GPHN: variants seen among roughly 807,000 people sequenced by gnomAD.
GPHN encodes gephyrin.
GPHN carries 17 observed loss-of-function variants against 95.5 expected under a neutral mutation model. That is an observed-to-expected ratio of 0.18 (90% CI 0.12 to 0.27). GPHN has a LOEUF of 0.27. GPHN is among the 10% of genes least tolerant of loss of function. The pLI is 1.00. For synonymous variants in GPHN, 320 were observed against 322.5 expected, an observed-to-expected ratio of 0.99 and a Z score of 0.08; for missense variants, 660 against 978.1, an observed-to-expected ratio of 0.67 and a Z score of 4.34.
At chr14:66,814,402 C>A (rs1220579975) in intron 3 of GPHN, among the ~76,000 whole-genome samples, 1 of 152,184 alleles carries the variant, frequency 6.6e-6, no homozygotes, top group African/African-American at 2.4e-5. Flanking sequence ...GAGGCAGGCA[C>A]CCCTGCATCT....
chr14:67,069,194 T>A (rs573501217), intron 11 of GPHN, among the ~76,000 whole-genome samples: 1 of 152,324 alleles, frequency 6.6e-6, no homozygotes, highest in Non-Finnish European at 1.5e-5. Context: ...TAGGATACTA[T>A]TAAAGGAGAT....
intron 14 of GPHN, among the ~76,000 whole-genome samples, chr14:67,110,479 A>T (rs2078303765): frequency 6.6e-6 from 1 of 152,178 alleles, no homozygotes; most frequent in Non-Finnish European, 1.5e-5. Flanking sequence ...GGTTTCTATG[A>T]TCATTGCTGT....
At chr14:67,659,661 C>G in the GPHN span, 95 of 1,458,116 alleles carry the variant, frequency 6.5e-5, no homozygotes, top group Non-Finnish European at 8.0e-5. Flanking sequence ...AATACCCCAA[C>G]AATATAGTTA....
At chr14:67,335,140 C>T in the GPHN span, 2 of 152,312 alleles carry the variant, frequency 1.3e-5, no homozygotes, top group African/African-American at 4.8e-5. Context: ...ATTTCAAGGT[C>T]AGTGAAGTCT....
the GPHN span, chr14:67,395,351 C>A: frequency 6.4e-7 from 1 of 1,557,562 alleles, no homozygotes. Flanking sequence ...CCCTGCCCAC[C>A]CAACACAGGC....
chr14:67,266,855 A>AGGC, the GPHN span, among the ~76,000 whole-genome samples: 3 of 152,004 alleles, frequency 2.0e-5, no homozygotes, highest in Non-Finnish European at 4.4e-5. Flanking sequence ...CATGCCTGTA[A>AGGC]TCCCAGCATG....
At chr14:67,695,767 C>T in the GPHN span, 6 of 1,476,756 alleles carry the variant, frequency 4.1e-6, no homozygotes, top group Admixed American at 3.5e-5. Context: ...TATGGCTTCT[C>T]TTTCTAGACA....
chr14:67,462,773 G>T, the GPHN span, among the ~76,000 whole-genome samples: 1 of 152,266 alleles, frequency 6.6e-6, no homozygotes, highest in African/African-American at 2.4e-5. Context: ...TTATTGGACA[G>T]TCTGTTTAGG....
At chr14:66,618,793 T>G (rs941071608) in intron 1 of GPHN, among the ~76,000 whole-genome samples, 2 of 152,168 alleles carry the variant, frequency 1.3e-5, no homozygotes, top group African/African-American at 2.4e-5. Context: ...AAACGGCACA[T>G]TTTAAATTTA....
chr14:67,713,346 C>T, the GPHN span, among the ~76,000 whole-genome samples: 5 of 133,926 alleles, frequency 3.7e-5, 1 homozygote, highest in South Asian at 4.7e-4. Context: ...TGCTTTCCAT[C>T]GTCATGGAAG....
At chr14:66,542,001 C>A (rs911534889) in intron 1 of GPHN, among the ~76,000 whole-genome samples, 6 of 152,286 alleles carry the variant, frequency 3.9e-5, no homozygotes, top group African/African-American at 1.4e-4. Flanking sequence ...CTTGAGTCAT[C>A]ACTTTCTCTT....
chr14:66,854,850 T>G (rs1184628198), intron 4 of GPHN, among the ~76,000 whole-genome samples: 1 of 152,022 alleles, frequency 6.6e-6, no homozygotes, highest in Non-Finnish European at 1.5e-5. Context: ...TTAGCCTTTT[T>G]TTTTTTTTTT....
chr14:66,757,611 A>G (rs1368630962), intron 2 of GPHN, among the ~76,000 whole-genome samples: 1 of 152,122 alleles, frequency 6.6e-6, no homozygotes, highest in East Asian at 1.9e-4. Context: ...GCTGGTCTCA[A>G]ACTCCTGGCC....
Position 67,058,806 on chromosome 14 carries a change from T to C in GPHN, c.1144+20T>C. ...ACCGAGGTACTATTATATTTGACCATTGCCCTTTCTTTTCTTCATTTTTTT... is the reference window on the plus strand; with the variant it reads ...ACCGAGGTACTATTATATTTGACCACTGCCCTTTCTTTTCTTCATTTTTTT... On this transcript the variant is annotated intron_variant, in intron 11 of 22. Coordinates refer to ENST00000478722, the MANE Select transcript of GPHN (RefSeq NM_020806.5). 1 of 1,607,830 alleles carries C rather than the reference T, an allele frequency of 6.2e-7. No individual in the cohort carries two copies. The highest frequency in any genetic ancestry group is 8.5e-7 in the Non-Finnish European group (1 of 1,174,758).
At chr14:67,642,793 CTTT>C in the GPHN span, among the ~76,000 whole-genome samples, 26 of 75,552 alleles carry the variant, frequency 3.4e-4, 1 homozygote, top group South Asian at 6.3e-3. Flanking sequence ...ACTACATTTT[CTTT>C]TTTTTTTTTT....
At chr14:67,273,793 G>A in the GPHN span, among the ~76,000 whole-genome samples, 3 of 152,140 alleles carry the variant, frequency 2.0e-5, no homozygotes, top group Admixed American at 6.5e-5. Context: ...TGTTGTTTCC[G>A]ACTTTTTAAT....
At chr14:67,658,891 A>T in the GPHN span, among the ~76,000 whole-genome samples, 1 of 152,198 alleles carries the variant, frequency 6.6e-6, no homozygotes, top group Non-Finnish European at 1.5e-5. Context: ...AACTATAATC[A>T]GGATGCATCG....
At chr14:67,374,516 A>G in the GPHN span, 11 of 1,608,420 alleles carry the variant, frequency 6.8e-6, no homozygotes, top group African/African-American at 1.3e-5. Context: ...GAAGCAATCA[A>G]ATGTGAAGAC....
chr14:67,094,183 AAGATCATCGTTTTCTGTGTACAC>A (rs2077254344), intron 12 of GPHN, among the ~76,000 whole-genome samples: 1 of 152,178 alleles, frequency 6.6e-6, no homozygotes, highest in Non-Finnish European at 1.5e-5. Flanking sequence ...AGATGATTTG[AAGATCATCGTTTTCTGTGTACAC>A]AATGAGTAGT....
Sources: gnomAD v4.1 joint callset for allele counts (sites outside exome capture counted in the v4.1 genomes callset) on GRCh38, gnomAD v4.1.1 for gene constraint, MANE v1.5 for transcripts, NCBI Gene and HGNC (gene_info 2026-07-23, HGNC 2026-07-21) for gene names.